FUT9: variants seen among roughly 807,000 people sequenced by gnomAD.
FUT9 encodes 4-galactosyl-N-acetylglucosaminide 3-alpha-L-fucosyltransferase 9.
A neutral mutation model predicts 29.7 loss-of-function variants in FUT9; 15 were observed. The ratio of observed to expected loss-of-function variants is 0.51; its 90% CI spans 0.34 to 0.78. FUT9 has a LOEUF of 0.78. Among genes scored for constraint, FUT9 ranks in the 30% least tolerant of loss-of-function variants. The pLI is 0.01. For synonymous variants in FUT9, 169 were observed against 153.7 expected, an observed-to-expected ratio of 1.10 and a Z score of -0.74; for missense variants, 319 against 425.4, an observed-to-expected ratio of 0.75 and a Z score of 2.20.
intron 2 of FUT9, among the ~76,000 whole-genome samples, chr6:96,137,753 A>G (rs1015614663): frequency 6.6e-6 from 1 of 152,134 alleles, no homozygotes; most frequent in Non-Finnish European, 1.5e-5. Context: ...TTTAGTGAAT[A>G]ATAATATATT....
At chr6:96,043,931 C>G (rs1770513033) in intron 1 of FUT9, among the ~76,000 whole-genome samples, 1 of 152,170 alleles carries the variant, frequency 6.6e-6, no homozygotes, top group Non-Finnish European at 1.5e-5. Context: ...TTTCAGCCAC[C>G]TTGAACCATC....
intron 1 of FUT9, among the ~76,000 whole-genome samples, chr6:96,041,660 C>G (rs1770463125): frequency 6.6e-6 from 1 of 152,104 alleles, no homozygotes; most frequent in African/African-American, 2.4e-5. Flanking sequence ...TTCATAAAAG[C>G]ATATGTCTAA....
At chr6:96,059,499 A>G (rs1006848714) in intron 1 of FUT9, among the ~76,000 whole-genome samples, 1 of 152,228 alleles carries the variant, frequency 6.6e-6, no homozygotes, top group African/African-American at 2.4e-5. Context: ...TGACTTGTAC[A>G]TAAGCATCTA....
intron 1 of FUT9, among the ~76,000 whole-genome samples, chr6:96,078,561 C>CA (rs1259734693): frequency 6.6e-5 from 10 of 151,712 alleles, no homozygotes; most frequent in Middle Eastern, 3.4e-3. Flanking sequence ...GCTGGGACTA[C>CA]AGGCACATGC....
chr6:96,088,018 T>A (rs1340797906), intron 1 of FUT9, among the ~76,000 whole-genome samples: 1 of 152,222 alleles, frequency 6.6e-6, no homozygotes, highest in Non-Finnish European at 1.5e-5. Flanking sequence ...TTTAATGATG[T>A]TTCCCTGCTG....
At chr6:96,053,843 GCTAAA>G (rs1770716309) in intron 1 of FUT9, among the ~76,000 whole-genome samples, 1 of 151,928 alleles carries the variant, frequency 6.6e-6, no homozygotes, top group Non-Finnish European at 1.5e-5. Flanking sequence ...TATTTGCTTG[GCTAAA>G]CTAGTCAGAT....
At position 96,214,243 on chromosome 6, in the gene FUT9, C is replaced by T. The variant is rs1340074267; in HGVS notation, c.*10008C>T. ...GAAGATGTGAAAATATCATCTTAAC[C>T]AGTTTCATTCTATGAACATAATATT... On this transcript the variant is annotated 3_prime_UTR_variant, in exon 3 of 3. Coordinates refer to ENST00000302103, the MANE Select transcript of FUT9 (RefSeq NM_006581.4). The T allele has an allele frequency of 6.0e-6, 1 of 166,752 alleles. No individual in the cohort carries two copies. The highest frequency in any genetic ancestry group is 1.9e-4 in the East Asian group (1 of 5,200). The allele number at this position is 166,752 out of a possible 1,614,324, so 10.3% of individuals were successfully genotyped here.
intron 1 of FUT9, among the ~76,000 whole-genome samples, chr6:96,048,690 G>T (rs1044911384): frequency 6.6e-6 from 1 of 152,200 alleles, no homozygotes; most frequent in Non-Finnish European, 1.5e-5. Flanking sequence ...GAAGAAAAGA[G>T]ATCGGCAGTG....
intron 2 of FUT9, among the ~76,000 whole-genome samples, chr6:96,185,846 A>G (rs1174195685): frequency 1.3e-5 from 2 of 152,070 alleles, no homozygotes; most frequent in Non-Finnish European, 2.9e-5. Context: ...AAGATTGTTT[A>G]TTAGGAATGA....
At chr6:96,043,697 T>C (rs555085566) in intron 1 of FUT9, among the ~76,000 whole-genome samples, 5 of 152,346 alleles carry the variant, frequency 3.3e-5, no homozygotes, top group African/African-American at 9.6e-5. Context: ...TAGCATATTA[T>C]TTTTTAATAG....
At chr6:96,073,899 C>T (rs1465878198) in intron 1 of FUT9, among the ~76,000 whole-genome samples, 1 of 152,088 alleles carries the variant, frequency 6.6e-6, no homozygotes, top group Non-Finnish European at 1.5e-5. Context: ...ACTTGAATCC[C>T]CACAGGTAGT....
At chr6:96,039,244 C>T (rs1265969595) in intron 1 of FUT9, among the ~76,000 whole-genome samples, 1 of 151,926 alleles carries the variant, frequency 6.6e-6, no homozygotes, top group Non-Finnish European at 1.5e-5. Context: ...CACGTATATG[C>T]CATTAGTGAA....
chr6:96,064,108 T>G (rs1007471830), intron 1 of FUT9, among the ~76,000 whole-genome samples: 5 of 152,102 alleles, frequency 3.3e-5, no homozygotes, highest in African/African-American at 1.2e-4. Flanking sequence ...CACATTGGGG[T>G]AGAACAATTA....
chr6:96,191,722 C>T (rs1324062470), intron 2 of FUT9, among the ~76,000 whole-genome samples: 2 of 152,180 alleles, frequency 1.3e-5, no homozygotes, highest in Non-Finnish European at 2.9e-5. Context: ...TCCTCCCTAA[C>T]TCATTTTATT....
At chr6:96,024,357 A>T (rs1770126625) in intron 1 of FUT9, among the ~76,000 whole-genome samples, 1 of 151,854 alleles carries the variant, frequency 6.6e-6, no homozygotes, top group Non-Finnish European at 1.5e-5. Context: ...GGGACAGAAG[A>T]ATCAGAGGGT....
chr6:96,202,110 C>T (rs1226731297), intron 2 of FUT9, among the ~76,000 whole-genome samples: 1 of 151,592 alleles, frequency 6.6e-6, no homozygotes, highest in Non-Finnish European at 1.5e-5. Context: ...TTCAAATGAC[C>T]CGTGAGAATT....
At chr6:96,193,241 G>A (rs1773551530) in intron 2 of FUT9, among the ~76,000 whole-genome samples, 1 of 136,710 alleles carries the variant, frequency 7.3e-6, no homozygotes, top group Non-Finnish European at 1.6e-5. Flanking sequence ...CACAGCCAAA[G>A]AAACTACCAT....
chr6:96,166,399 G>GTT (rs796684352), intron 2 of FUT9, among the ~76,000 whole-genome samples: 153 of 152,086 alleles, frequency 1.0e-3, no homozygotes, highest in African/African-American at 3.4e-3. Flanking sequence ...TCTTAATAAT[G>GTT]TTATATATAA....
chr6:96,151,699 T>C (rs1015673044), intron 2 of FUT9, among the ~76,000 whole-genome samples: 3 of 152,212 alleles, frequency 2.0e-5, no homozygotes, highest in Admixed American at 2.0e-4. Flanking sequence ...TCAGATTCAC[T>C]ATCCATATCT....
Sources: gnomAD v4.1 joint callset for allele counts (sites outside exome capture counted in the v4.1 genomes callset) on GRCh38, gnomAD v4.1.1 for gene constraint, MANE v1.5 for transcripts, NCBI Gene and HGNC (gene_info 2026-07-23, HGNC 2026-07-21) for gene names.